The following ICA1 variants were observed in gnomAD, a reference collection of about 807,000 sequenced individuals.
ICA1 encodes 69 kDa islet cell autoantigen.
ICA1 carries 40 observed loss-of-function variants against 71.0 expected under a neutral mutation model. That is an observed-to-expected ratio of 0.56 (90% CI 0.44 to 0.73). ICA1 has a LOEUF of 0.73. ICA1 is among the 30% of genes least tolerant of loss of function. ICA1 has a pLI of 0.00. For synonymous variants in ICA1, 207 were observed against 209.5 expected (o/e 0.99, Z 0.10); for missense variants, 578 against 576.5 (o/e 1.00, Z -0.03).
In ICA1 at chr7:8,174,836, G is replaced by A. The variant is rs530573768; in HGVS notation, c.580-16184C>T. Among the ~76,000 whole-genome samples the A allele has an allele frequency of 2.5e-3, 371 of 150,566 alleles. 4 individuals carry two copies. The highest frequency in any genetic ancestry group is 8.6e-3 in the African/African-American group (354 of 40,926). ...TCTTTAATGCGGGAAACACAAACAC[G>A]TCCACTCTTGGCAGCATCATTCTAC... On this transcript the variant is annotated intron_variant, in intron 6 of 13. Coordinates refer to ENST00000402384, the MANE Select transcript of ICA1 (RefSeq NM_001136020.3).
intron 13 of ICA1, among the ~76,000 whole-genome samples, chr7:8,120,706 C>T (rs1159765142): frequency 6.6e-6 from 1 of 152,196 alleles, no homozygotes; most frequent in Non-Finnish European, 1.5e-5. Flanking sequence ...AGATGTGCTA[C>T]CCATTTGCAG....
chr7:8,165,269 T>G (rs934474005), intron 6 of ICA1, among the ~76,000 whole-genome samples: 2 of 152,236 alleles, frequency 1.3e-5, no homozygotes, highest in African/African-American at 4.8e-5. Context: ...TTATCATATA[T>G]GCATCCACTC....
At chr7:8,187,279 C>T (rs1418045314) in intron 6 of ICA1, among the ~76,000 whole-genome samples, 1 of 152,212 alleles carries the variant, frequency 6.6e-6, no homozygotes, top group East Asian at 1.9e-4. Context: ...GGCTGCAAAC[C>T]TGTACAACAT....
intron 1 of ICA1, among the ~76,000 whole-genome samples, chr7:8,244,452 A>G (rs1201809829): frequency 6.6e-6 from 1 of 152,188 alleles, no homozygotes; most frequent in Non-Finnish European, 1.5e-5. Context: ...AACCATAAAA[A>G]CCCTAGAGGA....
chr7:8,182,031 C>G (rs903150313), intron 6 of ICA1, among the ~76,000 whole-genome samples: 7 of 152,136 alleles, frequency 4.6e-5, no homozygotes, highest in African/African-American at 1.7e-4. Flanking sequence ...ATGCTCCAGT[C>G]AATTCCTTTC....
At chr7:8,185,857 T>A (rs990449051) in intron 6 of ICA1, among the ~76,000 whole-genome samples, 1 of 152,224 alleles carries the variant, frequency 6.6e-6, no homozygotes, top group African/African-American at 2.4e-5. Context: ...GCTTGGTGCA[T>A]AGTAAGCACT....
chr7:8,134,464 A>C (rs1792620197), intron 12 of ICA1, among the ~76,000 whole-genome samples: 1 of 152,222 alleles, frequency 6.6e-6, no homozygotes, highest in Non-Finnish European at 1.5e-5. Context: ...GAGAGCACAG[A>C]AAAGCTGGCA....
intron 2 of ICA1, 152 bp from the exon 3 acceptor site, chr7:8,232,907 A>G (rs928237621): frequency 9.5e-6 from 6 of 632,190 alleles, no homozygotes; most frequent in Non-Finnish European, 1.5e-5. Flanking sequence ...TGGGTGTTAC[A>G]CCAAGGAAGT....
chr7:8,155,922 T>C (rs571013281), intron 8 of ICA1, among the ~76,000 whole-genome samples: 14 of 152,250 alleles, frequency 9.2e-5, no homozygotes, highest in African/African-American at 3.4e-4. Context: ...CAAAAGAGGA[T>C]ACATAAGAAA....
intron 1 of ICA1, among the ~76,000 whole-genome samples, chr7:8,260,527 C>G (rs550606881): frequency 3.2e-4 from 48 of 152,270 alleles, no homozygotes; most frequent in African/African-American, 9.4e-4. Context: ...TTAACTGTTA[C>G]GTTTTCTAAA....
intron 6 of ICA1, among the ~76,000 whole-genome samples, chr7:8,217,130 G>T (rs1795657553): frequency 6.6e-6 from 1 of 152,214 alleles, no homozygotes; most frequent in South Asian, 2.1e-4. Flanking sequence ...TTTCACCAGA[G>T]GATCATGAGC....
intron 1 of ICA1, among the ~76,000 whole-genome samples, chr7:8,240,231 T>TATTTGCTGTTCTGCAAC (rs1385998640): frequency 3.3e-5 from 5 of 152,102 alleles, no homozygotes; most frequent in African/African-American, 1.2e-4. Context: ...TGTTCTGCAA[T>TATTTGCTGTTCTGCAAC]ATTTGCTATT....
chr7:8,162,997 C>T (rs1425081234), intron 6 of ICA1, among the ~76,000 whole-genome samples: 3 of 152,194 alleles, frequency 2.0e-5, no homozygotes, highest in Non-Finnish European at 2.9e-5. Context: ...CTTGTGACCT[C>T]AGAAAATCCG....
chr7:8,221,435 G>A, intron 4 of ICA1, 37 bp from the exon 5 acceptor site: 1 of 1,609,490 alleles, frequency 6.2e-7, no homozygotes, highest in Non-Finnish European at 8.5e-7. Flanking sequence ...CATGAACAAT[G>A]AGCATTTTGA....
intron 6 of ICA1, among the ~76,000 whole-genome samples, chr7:8,181,824 C>T (rs750619392): frequency 2.0e-5 from 3 of 152,104 alleles, no homozygotes; most frequent in Non-Finnish European, 4.4e-5. Flanking sequence ...GGAACATAAT[C>T]CAAATGCAAA....
rs531635939 is a variant in ICA1 at position 8,150,447 on chromosome 7, C to T, written c.805-6475G>A. ...TGTTTTCTGTATCTCACTTAATCCT[C>T]ACAAAACCCAGTTAAACCTTGTATT... is the stretch of plus-strand genomic sequence containing the variant. On this transcript the variant is annotated intron_variant, in intron 8 of 13. Transcript: ENST00000402384. Among the ~76,000 whole-genome samples, 90 of 152,348 alleles carry T rather than the reference C, an allele frequency of 5.9e-4. 1 individual carries two copies. Among genetic ancestry groups the T allele is most frequent in the African/African-American group, 1.9e-3 (81 of 41,568 alleles).
At chr7:8,235,777 C>T in intron 2 of ICA1, 133 bp downstream of exon 2, 2 of 841,226 alleles carry the variant, frequency 2.4e-6, no homozygotes, top group South Asian at 3.5e-5. Flanking sequence ...CTGAATTTGG[C>T]TCAGCATTGG....
In ICA1 at chr7:8,173,511, T is replaced by C. The variant is rs1279422405; in HGVS notation, c.580-14859A>G. 3.9e-5 allele frequency among the ~76,000 whole-genome samples: 6 copies of C among 152,188 alleles called. No homozygotes were observed. Among genetic ancestry groups the C allele is most frequent in the Non-Finnish European group, 5.9e-5 (4 of 68,038 alleles). ...AGAATGCTAATGAACCAATTCAATA[T>C]TTTGACAAAGAAAAAGAAACAAACA... On this transcript the variant is annotated intron_variant, in intron 6 of 13. Coordinates refer to ENST00000402384, the MANE Select transcript of ICA1 (RefSeq NM_001136020.3). The surrounding 1 kb of genome is among the most constrained non-coding windows in gnomAD (Gnocchi z 4.0).
chr7:8,224,234 G>A (rs1324697736), intron 4 of ICA1, among the ~76,000 whole-genome samples: 1 of 152,178 alleles, frequency 6.6e-6, no homozygotes, highest in Non-Finnish European at 1.5e-5. Context: ...ATTAGGCTGA[G>A]TTCTGAATGA....
Sources: allele counts gnomAD v4.1 joint callset (sites outside exome capture counted in the v4.1 genomes callset), GRCh38; gene constraint gnomAD v4.1.1; non-coding constraint Gnocchi (gnomAD v3.1); transcripts MANE v1.5; gene names NCBI Gene and HGNC (gene_info 2026-07-23, HGNC 2026-07-21).